PDE1A: variants seen among roughly 807,000 people sequenced by gnomAD.
PDE1A encodes the protein phosphodiesterase 1A, also known as dual specificity calcium/calmodulin-dependent 3',5'-cyclic nucleotide phosphodiesterase 1A.
Under a neutral mutation model 61.7 loss-of-function variants are expected in PDE1A, and 35 were observed. The ratio of observed to expected loss-of-function variants is 0.57; its 90% CI spans 0.43 to 0.75. The LOEUF (loss-of-function observed/expected upper bound fraction) is 0.75, where lower values mean the gene tolerates loss of function less well. Ranked by LOEUF, PDE1A falls within the 30% of genes least tolerant of loss-of-function variation. PDE1A has a pLI of 0.00. For synonymous variants in PDE1A, 232 were observed against 213.2 expected (o/e 1.09, Z -0.77); for missense variants, 597 against 630.6 (o/e 0.95, Z 0.57).
intron 1 of PDE1A, among the ~76,000 whole-genome samples, chr2:182,271,082 C>T (rs569015040): frequency 4.0e-5 from 6 of 149,956 alleles, no homozygotes; most frequent in East Asian, 2.0e-4. Context: ...TGAAAACAAA[C>T]GGGATCAATG....
intron 2 of PDE1A, among the ~76,000 whole-genome samples, chr2:182,256,730 T>G (rs1319685895): frequency 1.3e-5 from 2 of 152,194 alleles, no homozygotes; most frequent in Admixed American, 1.3e-4. Flanking sequence ...CATTTTTTTT[T>G]CTTGTCATGC....
the PDE1A span, among the ~76,000 whole-genome samples, chr2:182,714,511 G>C: frequency 2.0e-3 from 308 of 152,190 alleles, 7 homozygotes; most frequent in East Asian, 9.7e-4. Context: ...TAAGAAGTCA[G>C]AAGTTAAACT....
chr2:182,175,207 G>A (rs551152582), intron 13 of PDE1A, among the ~76,000 whole-genome samples: 114 of 152,228 alleles, frequency 7.5e-4, no homozygotes, highest in African/African-American at 2.6e-3. Context: ...ATAAACATAC[G>A]TGTGTATGTA....
the PDE1A span, among the ~76,000 whole-genome samples, chr2:182,589,866 C>G: frequency 1.3e-5 from 2 of 152,196 alleles, no homozygotes; most frequent in Non-Finnish European, 2.9e-5. Flanking sequence ...CCTAGAGTTA[C>G]TACACCAGAT....
chr2:182,566,167 C>G, the PDE1A span, among the ~76,000 whole-genome samples: 20 of 151,992 alleles, frequency 1.3e-4, no homozygotes, highest in African/African-American at 4.3e-4. Context: ...CTCTCATCTA[C>G]AAGCCTTCCT....
chr2:182,625,617 G>T, the PDE1A span, among the ~76,000 whole-genome samples: 1 of 152,130 alleles, frequency 6.6e-6, no homozygotes, highest in Non-Finnish European at 1.5e-5. Flanking sequence ...CCATCTCACT[G>T]GTCCTGACAG....
At chr2:182,218,531 T>C (rs1688436967) in intron 7 of PDE1A, among the ~76,000 whole-genome samples, 1 of 152,014 alleles carries the variant, frequency 6.6e-6, no homozygotes, top group Admixed American at 6.5e-5. Flanking sequence ...ACTGAAATTA[T>C]GTATCCTTTG....
chr2:182,585,099 G>A, the PDE1A span, among the ~76,000 whole-genome samples: 1 of 152,136 alleles, frequency 6.6e-6, no homozygotes, highest in Admixed American at 6.5e-5. Context: ...AGGAGAATAA[G>A]AACTGGATAT....
At chr2:182,413,354 A>G (rs1314149582) in intron 1 of PDE1A, among the ~76,000 whole-genome samples, 1 of 152,224 alleles carries the variant, frequency 6.6e-6, no homozygotes, top group Non-Finnish European at 1.5e-5. Flanking sequence ...TTAATTTTTA[A>G]ATATCATTAA....
chr2:182,287,232 C>T (rs1694224939), intron 1 of PDE1A, among the ~76,000 whole-genome samples: 1 of 152,036 alleles, frequency 6.6e-6, no homozygotes, highest in African/African-American at 2.4e-5. Flanking sequence ...GTATCTTCCT[C>T]CCACTAAGAC....
chr2:182,496,205 A>G (rs912707668), intron 2 of PDE1A, among the ~76,000 whole-genome samples: 2 of 152,190 alleles, frequency 1.3e-5, no homozygotes, highest in African/African-American at 4.8e-5. Context: ...TACTTAAGAG[A>G]TAATATTAAA....
At chr2:182,462,760 C>T (rs1686391914) in intron 2 of PDE1A, among the ~76,000 whole-genome samples, 1 of 152,036 alleles carries the variant, frequency 6.6e-6, no homozygotes, top group South Asian at 2.1e-4. Context: ...TTTTTCCCTA[C>T]TGATTTTTTA....
chr2:182,477,561 C>A (rs1183225023), intron 2 of PDE1A, among the ~76,000 whole-genome samples: 1 of 151,848 alleles, frequency 6.6e-6, no homozygotes, highest in Non-Finnish European at 1.5e-5. Flanking sequence ...TGCTGTCCTG[C>A]CTCCACATAT....
At chr2:182,275,055 T>C (rs958793870) in intron 1 of PDE1A, among the ~76,000 whole-genome samples, 2 of 152,118 alleles carry the variant, frequency 1.3e-5, no homozygotes, top group African/African-American at 2.4e-5. Flanking sequence ...ATTCTTGCAA[T>C]TGATTACTTG....
chr2:182,662,494 T>G, the PDE1A span, among the ~76,000 whole-genome samples: 1 of 152,030 alleles, frequency 6.6e-6, no homozygotes, highest in Admixed American at 6.6e-5. Context: ...AACAGACACA[T>G]AGACCAATGA....
intron 7 of PDE1A, among the ~76,000 whole-genome samples, chr2:182,208,082 T>C (rs1208139391): frequency 6.6e-6 from 1 of 152,164 alleles, no homozygotes; most frequent in African/African-American, 2.4e-5. Flanking sequence ...GGAGAACCTC[T>C]AGTAGGGCAG....
At chr2:182,586,090 G>A in the PDE1A span, among the ~76,000 whole-genome samples, 2 of 152,080 alleles carry the variant, frequency 1.3e-5, no homozygotes, top group South Asian at 4.2e-4. Context: ...AGCACTTTCG[G>A]TTCTATCTCC....
the PDE1A span, among the ~76,000 whole-genome samples, chr2:182,553,691 A>G: frequency 2.0e-5 from 3 of 152,344 alleles, no homozygotes; most frequent in South Asian, 2.1e-4. Flanking sequence ...GCCTGGGAGG[A>G]GTTGAGAGAC....
chr2:182,599,088 C>A, the PDE1A span, among the ~76,000 whole-genome samples: 3 of 152,144 alleles, frequency 2.0e-5, no homozygotes, highest in Non-Finnish European at 4.4e-5. Context: ...CCGCAGGTGT[C>A]GCTGCAACTA....
Sources: allele counts gnomAD v4.1 joint callset (sites outside exome capture counted in the v4.1 genomes callset), GRCh38; gene constraint gnomAD v4.1.1; transcripts MANE v1.5; gene names NCBI Gene and HGNC (gene_info 2026-07-23, HGNC 2026-07-21).